PLXNA2: variants seen among roughly 807,000 people sequenced by gnomAD.
PLXNA2 encodes plexin-A2.
In PLXNA2, 91 loss-of-function variants were observed where a neutral mutation model predicts 193.5. The observed-to-expected ratio is 0.47, with a 90% confidence interval of 0.40 to 0.56. PLXNA2 has a LOEUF of 0.56. PLXNA2 is among the 20% of genes least tolerant of loss of function. The pLI, the probability that PLXNA2 is intolerant of heterozygous loss-of-function variation, is 0.00. For synonymous variants in PLXNA2, 997 were observed against 1,027.3 expected, an observed-to-expected ratio of 0.97 and a Z score of 0.56; for missense variants, 1,995 against 2,503.2, an observed-to-expected ratio of 0.80 and a Z score of 4.33.
At chr1:208,051,787 C>T (rs1258697919) in intron 15 of PLXNA2, among the ~76,000 whole-genome samples, 1 of 152,198 alleles carries the variant, frequency 6.6e-6, no homozygotes, top group East Asian at 1.9e-4. Flanking sequence ...GCAGTGAATG[C>T]ACAGTCCTTG....
At chr1:208,121,013 C>G (rs1173093174) in intron 4 of PLXNA2, among the ~76,000 whole-genome samples, 4 of 152,112 alleles carry the variant, frequency 2.6e-5, no homozygotes, top group Non-Finnish European at 5.9e-5. Context: ...GGGATGTCAC[C>G]CATGTAGATT....
chr1:208,064,548 T>C (rs149802092), intron 12 of PLXNA2, among the ~76,000 whole-genome samples: 204 of 152,276 alleles, frequency 1.3e-3, no homozygotes, highest in African/African-American at 4.8e-3. Flanking sequence ...CCCATTCACC[T>C]CCAGCTTAAA....
intron 4 of PLXNA2, among the ~76,000 whole-genome samples, chr1:208,128,947 A>G (rs986848694): frequency 8.5e-5 from 13 of 152,080 alleles, no homozygotes; most frequent in African/African-American, 3.1e-4. Context: ...CACCCGCCTC[A>G]GCCTCGCAAA....
In PLXNA2 at chr1:208,219,503, A is replaced by G. The variant is rs554814418; in HGVS notation, c.-80-1501T>C. Among the ~76,000 whole-genome samples, 121 of 152,264 alleles carry G rather than the reference A, an allele frequency of 7.9e-4. 3 individuals are homozygous for G. The South Asian group carries it at 0.024, about 30-fold the overall frequency. Reference sequence around the variant, plus strand: ...AGTCCAGACAGAACTCTGGGCACATAAGGTGGCAGGGATGGAAACACCCGA... The same window carrying G: ...AGTCCAGACAGAACTCTGGGCACATGAGGTGGCAGGGATGGAAACACCCGA... On this transcript the variant is annotated intron_variant, in intron 1 of 31. Transcript: ENST00000367033.
chr1:208,050,675 T>C (rs1341125438), intron 17 of PLXNA2, among the ~76,000 whole-genome samples: 1 of 151,818 alleles, frequency 6.6e-6, no homozygotes, highest in Non-Finnish European at 1.5e-5. Flanking sequence ...TCTAAAATAA[T>C]AATAATAATA....
At chr1:208,097,459 C>A (rs1415069849) in intron 6 of PLXNA2, among the ~76,000 whole-genome samples, 1 of 152,166 alleles carries the variant, frequency 6.6e-6, no homozygotes, top group Non-Finnish European at 1.5e-5. Context: ...TCTAGCAGCT[C>A]CCTTGAAATG....
chr1:208,090,874 T>A (rs1348752818), intron 9 of PLXNA2, among the ~76,000 whole-genome samples: 2 of 152,248 alleles, frequency 1.3e-5, no homozygotes, highest in East Asian at 3.8e-4. Flanking sequence ...CCTCCCATGG[T>A]GGCTCTGCTG....
chr1:208,098,454 T>TCACA (rs1310601677), intron 6 of PLXNA2, among the ~76,000 whole-genome samples: 2,434 of 105,814 alleles, frequency 0.023, 33 homozygotes, highest in South Asian at 0.034. Flanking sequence ...TCTCTCTCTC[T>TCACA]CTCTCACACA....
At chr1:208,187,068 G>C (rs1318417418) in intron 3 of PLXNA2, among the ~76,000 whole-genome samples, 3 of 152,092 alleles carry the variant, frequency 2.0e-5, no homozygotes, top group Non-Finnish European at 4.4e-5. Context: ...GGTGGGGGAG[G>C]GACAAGAGAC....
chr1:208,221,104 G>A (rs1241351221), intron 1 of PLXNA2, among the ~76,000 whole-genome samples: 1 of 152,148 alleles, frequency 6.6e-6, no homozygotes. Context: ...AAGAAAGGTG[G>A]GAGACTCAGG....
Position 208,028,055 on chromosome 1 carries a change from C to T in PLXNA2, c.5543G>A (p.Ser1848Asn). ...RLHAVEFNML[S>N]ALNEIYSYVS... ...ATAGGAGTAGATCTCATTGAGGGCA[C>T]TCAGCATGTTGAACTCCACGGCGTG... The change falls in exon 31 of 32, where the codon AGT becomes AAT. Residue 1848 changes from serine (S) to asparagine (N), a missense_variant. By Grantham distance (46) the Ser-to-Asn change is conservative (BLOSUM62 1). Around this residue, in one of 3 missense-constraint regions of PLXNA2, gnomAD observed 1,291 missense variants for 1,673.6 expected, o/e 0.77. Coordinates refer to ENST00000367033, the MANE Select transcript of PLXNA2 (RefSeq NM_025179.4). The surrounding 1 kb of genome is among the most constrained non-coding windows in gnomAD (Gnocchi z 4.2). 6.2e-7 allele frequency: 1 copy of T among 1,610,556 alleles called. No homozygotes were observed. The highest frequency in any genetic ancestry group is 8.5e-7 in the Non-Finnish European group (1 of 1,178,404).
chr1:208,098,450 TCTCTCTCTCA>T (rs1374688872), intron 6 of PLXNA2, among the ~76,000 whole-genome samples: 2,042 of 120,348 alleles, frequency 0.017, 66 homozygotes, highest in East Asian at 0.13. Context: ...TCTCTCTCTC[TCTCTCTCTCA>T]CACACACACA....
chr1:208,033,243 A>G, intron 28 of PLXNA2, 76 bp downstream of exon 28: 1 of 1,361,152 alleles, frequency 7.3e-7, no homozygotes, highest in Non-Finnish European at 1.0e-6. Context: ...CACTCCAGAC[A>G]TCCTTTCTGT....
At chr1:208,042,619 T>C (rs551657304) in intron 21 of PLXNA2, among the ~76,000 whole-genome samples, 1 of 152,160 alleles carries the variant, frequency 6.6e-6, no homozygotes, top group Non-Finnish European at 1.5e-5. Flanking sequence ...GAGGGGAGGC[T>C]GCCTGATTTT....
chr1:208,034,982 T>A (rs1377280545), intron 26 of PLXNA2, among the ~76,000 whole-genome samples: 2 of 152,232 alleles, frequency 1.3e-5, no homozygotes, highest in Non-Finnish European at 2.9e-5. Context: ...TTAGACCAGT[T>A]AGATTAAATA....
intron 24 of PLXNA2, 82 bp from the exon 25 acceptor site, chr1:208,039,066 T>G: frequency 7.5e-7 from 1 of 1,338,822 alleles, no homozygotes; most frequent in Non-Finnish European, 1.0e-6. Context: ...CAGAATCTTC[T>G]TTTTCCAAAG....
intron 12 of PLXNA2, among the ~76,000 whole-genome samples, chr1:208,070,789 G>A (rs992236467): frequency 2.0e-5 from 3 of 152,228 alleles, no homozygotes; most frequent in African/African-American, 7.2e-5. Flanking sequence ...CTTTGAGGTC[G>A]AAATGAGATG....
In PLXNA2 at chr1:208,038,761, A is replaced by G. The variant is rs1308967728; in HGVS notation, c.4660+64T>C. The G allele has an allele frequency of 4.6e-6, 7 of 1,529,834 alleles. No homozygotes were observed. The Admixed American group carries it at 8.5e-5, about 19-fold the overall frequency. 94.8% of individuals were successfully genotyped at this position (1,529,834 alleles called of 1,614,324 possible). A position where few individuals can be genotyped will look rare whatever the true frequency, so the allele number is the denominator to read the frequency against. On this transcript the variant is annotated intron_variant, in intron 25 of 31. Coordinates refer to ENST00000367033, the MANE Select transcript of PLXNA2 (RefSeq NM_025179.4). This position sits in a 1 kb window ranked among gnomAD's most constrained non-coding sequence, Gnocchi z 4.1. ...TCATGCCCCTGCAAGGGTTGTGTGC[A>G]TGGCAGCTTCCCTTCCTTCACCTCT...
intron 17 of PLXNA2, among the ~76,000 whole-genome samples, chr1:208,050,743 C>A (rs919715461): frequency 4.6e-5 from 7 of 152,194 alleles, no homozygotes; most frequent in East Asian, 1.9e-4. Context: ...GCGGGAGGAT[C>A]TCTTGAGCCC....
Sources: allele counts gnomAD v4.1 joint callset (sites outside exome capture counted in the v4.1 genomes callset), GRCh38; gene constraint gnomAD v4.1.1; regional missense constraint gnomAD v4.1.1; non-coding constraint Gnocchi (gnomAD v3.1); transcripts MANE v1.5; gene names NCBI Gene and HGNC (gene_info 2026-07-23, HGNC 2026-07-21).